ZNF215: variants seen among roughly 807,000 people sequenced by gnomAD.
ZNF215 encodes zinc finger protein 215.
Under a neutral mutation model 27.2 loss-of-function variants are expected in ZNF215, and 24 were observed. That is an observed-to-expected ratio of 0.88 (90% confidence interval 0.64 to 1.24). The LOEUF is 1.24. Ranked by LOEUF, ZNF215 falls within the 50% of genes most tolerant of loss-of-function variation. The pLI is 0.00. For missense variants in ZNF215, 675 were observed against 605.7 expected (o/e 1.11, Z -1.20); for synonymous variants, 210 against 204.0 (o/e 1.03, Z -0.25).
rs1022035257 is a variant in ZNF215, at chr11:6,948,501, A to G, written c.712+4860A>G. On this transcript the variant is annotated intron_variant, in intron 6 of 6. Coordinates refer to ENST00000278319, the MANE Select transcript of ZNF215 (RefSeq NM_013250.4). ...TATGGACTCCAGTATAAATATTAGA[A>G]AAGCAAAGACTCAAAAATGAAGACA... is the stretch of plus-strand genomic sequence containing the variant. 2.0e-5 allele frequency among the ~76,000 whole-genome samples: 3 copies of G among 152,308 alleles called. No individual in the cohort carries two copies. In the South Asian group the frequency reaches 6.2e-4, roughly 32 times the overall value.
At chr11:6,951,147 G>T (rs1173354041) in intron 6 of ZNF215, among the ~76,000 whole-genome samples, 5 of 152,140 alleles carry the variant, frequency 3.3e-5, no homozygotes, top group Admixed American at 2.6e-4. Context: ...GTATTTTATT[G>T]AGGATTTTTG....
chr11:6,957,921 A>G lies in ZNF215; in HGVS notation c.*1390A>G, dbSNP rs1850429841. The G allele has an allele frequency of 2.0e-6, 2 of 985,334 alleles. No individual in the cohort carries two copies. The highest frequency in any genetic ancestry group is 1.2e-6 in the Non-Finnish European group (1 of 829,932). The allele number at this position is 985,334 out of a possible 1,614,324, so 61.0% of individuals were successfully genotyped here. On this transcript the variant is annotated 3_prime_UTR_variant, in exon 7 of 7. Coordinates refer to ENST00000278319, the MANE Select transcript of ZNF215 (RefSeq NM_013250.4). The stretch of plus-strand genomic sequence containing the variant: ...AAGAAGTATGACTTAATCTGCCCCA[A>G]AAAATTCACACTGGAGACATTCCCA...
At chr11:6,978,652 C>G (rs558733398) in intron 5 of ZNF215, among the ~76,000 whole-genome samples, 1 of 151,908 alleles carries the variant, frequency 6.6e-6, no homozygotes, top group South Asian at 2.1e-4. Context: ...GGTGTAGTGG[C>G]TCACAGCTGT....
rs1392277761 is a variant in ZNF215, at chr11:6,957,903, A to G, written c.*1372A>G. On this transcript the variant is annotated 3_prime_UTR_variant, in exon 7 of 7. Transcript: ENST00000278319. ...CCATCTGGTTCTTGAGCCAAGAAGT[A>G]TGACTTAATCTGCCCCAAAAAATTC... 2 of 985,340 alleles carry G rather than the reference A, an allele frequency of 2.0e-6. No individual in the cohort carries two copies. The highest frequency in any genetic ancestry group is 2.4e-6 in the Non-Finnish European group (2 of 829,934). The allele number at this position is 985,340 out of a possible 1,614,324, so 61.0% of individuals were successfully genotyped here. A position where few individuals can be genotyped will look rare whatever the true frequency, so the allele number is the denominator to read the frequency against.
intron 5 of ZNF215, among the ~76,000 whole-genome samples, chr11:6,968,682 A>C (rs1198660353): frequency 6.6e-6 from 1 of 152,030 alleles, no homozygotes; most frequent in Non-Finnish European, 1.5e-5. Context: ...TCTGGGCTAA[A>C]GGGCAAAATC....
chr11:6,933,889 G>A (rs1477951494), intron 3 of ZNF215, among the ~76,000 whole-genome samples: 1 of 151,598 alleles, frequency 6.6e-6, no homozygotes, highest in Non-Finnish European at 1.5e-5. Context: ...AATACCATGT[G>A]TAAAATCCAA....
chr11:6,953,786 G>A (rs899125143), intron 6 of ZNF215, among the ~76,000 whole-genome samples: 2 of 152,088 alleles, frequency 1.3e-5, no homozygotes, highest in African/African-American at 2.4e-5. Flanking sequence ...GAGGAACTGC[G>A]TTCCTTTGGA....
At chr11:6,962,837 C>T (rs1279151886), downstream of ZNF215, among the ~76,000 whole-genome samples, 1 of 152,066 alleles carries the variant, frequency 6.6e-6, no homozygotes, top group Non-Finnish European at 1.5e-5. Flanking sequence ...AGCTTGACAT[C>T]TGGGCCTAAT....
intron 3 of ZNF215, among the ~76,000 whole-genome samples, chr11:6,938,937 T>C (rs577072070): frequency 6.6e-6 from 1 of 152,194 alleles, no homozygotes; most frequent in African/African-American, 2.4e-5. Flanking sequence ...CTAAGCTTAA[T>C]AGAGAATGAA....
chr11:6,948,951 A>C (rs1034522679), intron 6 of ZNF215, among the ~76,000 whole-genome samples: 2 of 131,204 alleles, frequency 1.5e-5, no homozygotes, highest in Non-Finnish European at 3.1e-5. Flanking sequence ...TCCTGTGTCC[A>C]TGTGTTCTCA....
intron 3 of ZNF215, 137 bp downstream of exon 3, chr11:6,932,809 T>G (rs745692882): frequency 1.3e-6 from 1 of 797,464 alleles, no homozygotes; most frequent in Non-Finnish European, 1.9e-6. Flanking sequence ...AGCCTTGACT[T>G]TATTCTGTAG....
At chr11:6,950,585 A>G (rs568623516) in intron 6 of ZNF215, among the ~76,000 whole-genome samples, 10 of 151,440 alleles carry the variant, frequency 6.6e-5, no homozygotes, top group Non-Finnish European at 1.3e-4. Context: ...TTGATTTTGT[A>G]TCCTGAGACT....
At chr11:6,942,586 A>G (rs923307068) in intron 4 of ZNF215, among the ~76,000 whole-genome samples, 1 of 152,184 alleles carries the variant, frequency 6.6e-6, no homozygotes, top group African/African-American at 2.4e-5. Context: ...AATCTTGCCC[A>G]TTTGATGAGT....
chr11:6,947,740 T>C (rs960501544), intron 6 of ZNF215, among the ~76,000 whole-genome samples: 2 of 152,160 alleles, frequency 1.3e-5, no homozygotes, highest in African/African-American at 2.4e-5. Context: ...AAAAGAGCAA[T>C]CATTGTATTC....
At chr11:6,968,518 A>G (rs1323494657) in intron 5 of ZNF215, among the ~76,000 whole-genome samples, 8 of 144,146 alleles carry the variant, frequency 5.5e-5, no homozygotes, top group Non-Finnish European at 9.1e-5. Flanking sequence ...GCTCACATAT[A>G]TGGAGCCTTT....
chr11:6,954,028 C>T (rs1850207768), intron 6 of ZNF215, among the ~76,000 whole-genome samples: 1 of 152,214 alleles, frequency 6.6e-6, no homozygotes, highest in African/African-American at 2.4e-5. Context: ...TGGGTACCAG[C>T]AATGGTGGCT....
rs1338891365 is a variant in ZNF215 at position 6,943,145 on chromosome 11, C to T, written c.546C>T (p.Asp182=). The T allele has an allele frequency of 6.2e-7, 1 of 1,614,092 alleles. No individual in the cohort carries two copies. The highest frequency in any genetic ancestry group is 8.5e-7 in the Non-Finnish European group (1 of 1,179,990). Residue 182 remains aspartate, a synonymous_variant, in exon 5 of 7, where the codon GAC becomes GAT. Coordinates refer to ENST00000278319, the MANE Select transcript of ZNF215 (RefSeq NM_013250.4). The part of the protein sequence containing the change: ...EFSKEEWGQL[D]SAVKNLYRNV... ...GCAAGGAAGAGTGGGGGCAACTGGA[C>T]TCTGCTGTAAAGAACCTGTACAGGA...
At chr11:6,946,132 T>G (rs116185267) in intron 6 of ZNF215, among the ~76,000 whole-genome samples, 1 of 152,158 alleles carries the variant, frequency 6.6e-6, no homozygotes, top group Non-Finnish European at 1.5e-5. Context: ...GTCTCCACTT[T>G]TGTCCAACTG....
At chr11:6,939,436 A>T (rs1045519439) in intron 3 of ZNF215, among the ~76,000 whole-genome samples, 7 of 152,200 alleles carry the variant, frequency 4.6e-5, no homozygotes, top group African/African-American at 1.7e-4. Flanking sequence ...ATGAATGCGC[A>T]ATAGCTTAAT....
Sources: gnomAD v4.1 joint callset for allele counts (sites outside exome capture counted in the v4.1 genomes callset) on GRCh38, gnomAD v4.1.1 for gene constraint, MANE v1.5 for transcripts, NCBI Gene and HGNC (gene_info 2026-07-23, HGNC 2026-07-21) for gene names.